CSE1L: variants seen among roughly 807,000 people sequenced by gnomAD.
The protein encoded by CSE1L is chromosome segregation 1 like.
CSE1L carries 24 observed loss-of-function variants against 120.4 expected under a neutral mutation model. The observed-to-expected ratio is 0.20, with a 90% CI of 0.14 to 0.28. The LOEUF is 0.28. CSE1L is among the 10% of genes least tolerant of loss of function. The probability of loss-of-function intolerance (pLI) is 1.00; values close to 1 mark genes in which losing one functional copy is unlikely to be tolerated. For missense variants in CSE1L, 830 were observed against 1,145.2 expected, an observed-to-expected ratio of 0.72 and a Z score of 3.97; for synonymous variants, 402 against 398.3, an observed-to-expected ratio of 1.01 and a Z score of -0.11.
chr20:49,063,500 G>A lies in CSE1L; in HGVS notation c.228+156G>A, dbSNP rs527491080. On this transcript the variant is annotated intron_variant, in intron 3 of 24. Transcript: ENST00000262982. ...GAGTCCAGGAGTTCAAGGCTGCAGT[G>A]AGCTATGATTGCACCACTGTACTCT... Among the ~76,000 whole-genome samples, 499 of 152,298 alleles carry A rather than the reference G, an allele frequency of 3.3e-3. 1 individual carries two copies. Among genetic ancestry groups the A allele is most frequent in the Non-Finnish European group, 4.0e-3 (273 of 68,018 alleles).
At chr20:49,047,586 TTTTTTTGAGA>T (rs1319796967) in intron 1 of CSE1L, among the ~76,000 whole-genome samples, 1 of 111,030 alleles carries the variant, frequency 9.0e-6, no homozygotes, top group East Asian at 2.4e-4. Context: ...TTTTTTTTTT[TTTTTTTGAGA>T]GAGAGAGTCT....
chr20:49,075,419 A>G lies in CSE1L; in HGVS notation c.1234A>G (p.Met412Val). 6.2e-7 allele frequency: 1 copy of G among 1,614,164 alleles called. No individual in the cohort carries two copies. The highest frequency in any genetic ancestry group is 8.5e-7 in the Non-Finnish European group (1 of 1,180,002). ...TGIFSGYVNS[M>V]LQEYAKNPSV... ...AATCTTCTCTGGTTATGTTAATTCCATGCTGCAGGAATACGCAAAAAATCC... is the reference window on the plus strand; with the variant it reads ...AATCTTCTCTGGTTATGTTAATTCCGTGCTGCAGGAATACGCAAAAAATCC... The change falls in exon 12 of 25, where the codon ATG (methionine) becomes GTG (valine). Residue 412 changes from methionine to valine, a missense_variant. By Grantham distance (21) the Met-to-Val change is conservative. This residue lies in a region of CSE1L where 543 missense variants were observed against 640.2 expected (regional missense o/e 0.85). Coordinates refer to ENST00000262982, the MANE Select transcript of CSE1L (RefSeq NM_001316.4).
At chr20:49,080,250 T>A (rs989970805) in intron 14 of CSE1L, among the ~76,000 whole-genome samples, 3 of 150,478 alleles carry the variant, frequency 2.0e-5, no homozygotes, top group Non-Finnish European at 4.4e-5. Context: ...CTGGTTGTTT[T>A]GTTTTTTTTT....
intron 8 of CSE1L, among the ~76,000 whole-genome samples, chr20:49,070,897 A>G (rs1264169343): frequency 1.3e-5 from 2 of 152,254 alleles, no homozygotes; most frequent in Non-Finnish European, 2.9e-5. Context: ...AGCTGTGACC[A>G]TGCCACTGCA....
chr20:49,057,363 G>A (rs2091816810), intron 1 of CSE1L, among the ~76,000 whole-genome samples: 2 of 151,378 alleles, frequency 1.3e-5, no homozygotes, highest in South Asian at 4.2e-4. Context: ...ATTACATGTT[G>A]TACATGAAGG....
intron 1 of CSE1L, among the ~76,000 whole-genome samples, chr20:49,056,213 C>T (rs1021758379): frequency 1.3e-5 from 2 of 151,644 alleles, no homozygotes; most frequent in Non-Finnish European, 2.9e-5. Context: ...TCAAGCGATT[C>T]TCCTGCCTCA....
In CSE1L at chr20:49,089,700, T is replaced by C; in HGVS notation, c.2135T>C (p.Leu712Ser). ...CTAGTGAGGCTTCTTCAAGCATTCT[T>C]AGAACGCGGTTCAAACACAATAGCA... is the stretch of plus-strand genomic sequence containing the variant. ...PALVRLLQAF[L>S]ERGSNTIASA... Residue 712 changes from leucine (L) to serine (S), a missense_variant, in exon 19 of 25, where the codon TTA becomes TCA. Physicochemically the swap from Leu to Ser is moderately radical, Grantham distance 145. This residue lies in a region of CSE1L where 168 missense variants were observed against 267.9 expected (regional missense o/e 0.63). Transcript: ENST00000262982. 6.2e-7 allele frequency: 1 copy of C among 1,614,220 alleles called. No individual in the cohort carries two copies. The highest frequency in any genetic ancestry group is 1.1e-5 in the South Asian group (1 of 91,090).
chr20:49,075,265 C>T, intron 11 of CSE1L, 53 bp from the exon 12 acceptor site: 2 of 1,378,138 alleles, frequency 1.5e-6, no homozygotes, highest in Middle Eastern at 1.8e-4. Flanking sequence ...ATTGGATCAG[C>T]TTGTTGGTGG....
chr20:49,095,148 C>T (rs930357431), intron 24 of CSE1L, 185 bp downstream of exon 24: 55 of 682,680 alleles, frequency 8.1e-5, no homozygotes, highest in African/African-American at 6.2e-4. Context: ...TTATGTACTA[C>T]AAATATATTT....
intron 8 of CSE1L, among the ~76,000 whole-genome samples, chr20:49,071,446 T>C (rs2091930664): frequency 6.6e-6 from 1 of 152,200 alleles, no homozygotes; most frequent in South Asian, 2.1e-4. Context: ...ATGCCTTAAG[T>C]AATCAGTGTG....
At position 49,068,781 on chromosome 20, in the gene CSE1L, C is replaced by G. The variant is rs747177200; in HGVS notation, c.634C>G (p.Leu212Val). 1 of 1,613,600 alleles carries G rather than the reference C, an allele frequency of 6.2e-7. No homozygotes were observed. Among genetic ancestry groups the G allele is most frequent in the South Asian group, 1.1e-5 (1 of 91,072 alleles). The change falls in exon 7 of 25, where the codon CTG (leucine) becomes GTG (valine). Residue 212 changes from leucine (L) to valine (V), a missense_variant. Physicochemically the swap from Leu to Val is conservative, Grantham distance 32. Around this residue, in one of 4 missense-constraint regions of CSE1L, gnomAD observed 543 missense variants for 640.2 expected, o/e 0.85. Transcript: ENST00000262982. Reference sequence around the variant, plus strand: ...TGCCCTGAGGATTCTGTTTTCTTCCCTGATCCTGATCTCAAAATTGTTCTA... The same window carrying G: ...TGCCCTGAGGATTCTGTTTTCTTCCGTGATCCTGATCTCAAAATTGTTCTA... Reference protein sequence around the residue: ...ASALRILFSSLILISKLFYSL... With the variant: ...ASALRILFSSVILISKLFYSL...
intron 21 of CSE1L, 73 bp downstream of exon 21, chr20:49,091,095 G>A: frequency 9.8e-7 from 1 of 1,025,184 alleles, no homozygotes; most frequent in Non-Finnish European, 1.5e-6. Flanking sequence ...CTTTATGGTT[G>A]CAGATACATT....
intron 6 of CSE1L, among the ~76,000 whole-genome samples, chr20:49,068,013 C>T (rs994241549): frequency 2.8e-5 from 4 of 144,396 alleles, no homozygotes; most frequent in African/African-American, 7.8e-5. Context: ...AGCAATTCTC[C>T]GAGTACACTG....
At chr20:49,056,468 T>G (rs895980283) in intron 1 of CSE1L, among the ~76,000 whole-genome samples, 1 of 152,212 alleles carries the variant, frequency 6.6e-6, no homozygotes, top group Non-Finnish European at 1.5e-5. Flanking sequence ...GTGAACTGTT[T>G]GGGAAATGTT....
intron 14 of CSE1L, among the ~76,000 whole-genome samples, chr20:49,079,429 T>C (rs1243628193): frequency 6.8e-6 from 1 of 148,030 alleles, no homozygotes; most frequent in Non-Finnish European, 1.5e-5. Context: ...GGTTTCCCCA[T>C]GTTGGCCAAG....
chr20:49,047,419 T>G (rs932241652), intron 1 of CSE1L, among the ~76,000 whole-genome samples: 12 of 152,004 alleles, frequency 7.9e-5, no homozygotes, highest in Non-Finnish European at 1.3e-4. Flanking sequence ...TATTCCGATT[T>G]AAAATTATTT....
At chr20:49,050,842 G>A (rs1347456424) in intron 1 of CSE1L, among the ~76,000 whole-genome samples, 1 of 152,180 alleles carries the variant, frequency 6.6e-6, no homozygotes, top group Non-Finnish European at 1.5e-5. Context: ...GATTACAGAA[G>A]TGAGCCACCT....
At chr20:49,065,695 G>A (rs1371843665) in intron 3 of CSE1L, among the ~76,000 whole-genome samples, 2 of 142,226 alleles carry the variant, frequency 1.4e-5, no homozygotes, top group East Asian at 2.1e-4. Context: ...CTGGGTTCAA[G>A]CAATTCTCCT....
At chr20:49,047,535 G>GTT (rs2091725040) in intron 1 of CSE1L, among the ~76,000 whole-genome samples, 1 of 76,988 alleles carries the variant, frequency 1.3e-5, no homozygotes, top group Non-Finnish European at 2.9e-5. Context: ...CTCTTCTTTT[G>GTT]TTTTCTTTTT....
Sources: gnomAD v4.1 joint callset for allele counts (sites outside exome capture counted in the v4.1 genomes callset) on GRCh38, gnomAD v4.1.1 for gene constraint, gnomAD v4.1.1 regional missense constraint, MANE v1.5 for transcripts, NCBI Gene and HGNC (gene_info 2026-07-23, HGNC 2026-07-21) for gene names.